The following ZNF839 variants were observed in gnomAD, a reference collection of about 807,000 sequenced individuals.
ZNF839 encodes renal carcinoma antigen NY-REN-50.
ZNF839 carries 38 observed loss-of-function variants against 56.4 expected under a neutral mutation model. The ratio of observed to expected loss-of-function variants is 0.67; its 90% CI spans 0.52 to 0.88. The LOEUF (loss-of-function observed/expected upper bound fraction) is 0.88, where lower values mean the gene tolerates loss of function less well. Ranked by LOEUF, ZNF839 falls within the 40% of genes least tolerant of loss-of-function variation. The pLI is 0.00. For synonymous variants in ZNF839, 486 were observed against 493.5 expected (o/e 0.98, Z 0.20); for missense variants, 1,091 against 1,177.6 (o/e 0.93, Z 1.08).
In ZNF839 at chr14:102,338,948, C is replaced by G. The variant is rs199952618; in HGVS notation, c.1792C>G (p.Arg598Gly). The G allele has an allele frequency of 1.2e-6, 2 of 1,613,826 alleles. No individual in the cohort carries two copies. The highest frequency in any genetic ancestry group is 2.7e-5 in the African/African-American group (2 of 74,916). Residue 598 changes from arginine to glycine, a missense_variant, in exon 6 of 8, where the codon CGT becomes GGT. Physicochemically the swap from Arg to Gly is moderately radical, Grantham distance 125. Around this residue, in one of 3 missense-constraint regions of ZNF839, gnomAD observed 431 missense variants for 468.0 expected, o/e 0.92. Transcript: ENST00000442396. ...LEGASSEKRE[R>G]EAAEEGLASV... Reference sequence around the variant, plus strand: ...GGGAGCTAGCAGCGAGAAGAGGGAACGTGAGGTGGGCATGGCTGAAGTGGG... The same window carrying G: ...GGGAGCTAGCAGCGAGAAGAGGGAAGGTGAGGTGGGCATGGCTGAAGTGGG...
At chr14:102,319,111 A>G (rs544886780), upstream of ZNF839, among the ~76,000 whole-genome samples, 21 of 152,330 alleles carry the variant, frequency 1.4e-4, no homozygotes, top group African/African-American at 5.1e-4. This position sits in a 1 kb window ranked among gnomAD's most constrained non-coding sequence, Gnocchi z 4.5. Flanking sequence ...GGGTGGGTTC[A>G]TTCATTCGTT....
At chr14:102,336,807 C>T (rs1885783455) in intron 5 of ZNF839, 1 of 276,042 alleles carries the variant, frequency 3.6e-6, no homozygotes, top group African/African-American at 2.3e-5. Flanking sequence ...AATCACAGCT[C>T]ACCGCAGCCT....
rs181280442 is a variant in ZNF839 at position 102,327,723 on chromosome 14, G to C, written c.1191+836G>C. 1.5e-3 allele frequency among the ~76,000 whole-genome samples: 222 copies of C among 152,318 alleles called. 1 individual carries two copies. Among genetic ancestry groups the C allele is most frequent in the African/African-American group, 5.2e-3 (218 of 41,578 alleles). ...CTGTAGCGGGACCAGAATCACTCTA[G>C]TGGAGGATCTGAGACCCCCACGTTG... On this transcript the variant is annotated intron_variant, in intron 2 of 7. Coordinates refer to ENST00000442396, the MANE Select transcript of ZNF839 (RefSeq NM_018335.6).
chr14:102,335,447 A>G (rs1391872968), intron 4 of ZNF839: 2 of 461,138 alleles, frequency 4.3e-6, no homozygotes, highest in Non-Finnish European at 7.7e-6. Flanking sequence ...GAGCTCACCC[A>G]TGCCCTACAT....
chr14:102,328,375 A>T (rs2776570), intron 2 of ZNF839, among the ~76,000 whole-genome samples: 271 of 15,978 alleles, frequency 0.017, 1 homozygote, highest in Non-Finnish European at 0.026. Flanking sequence ...AAAAAAAAAA[A>T]ATATATATAT....
rs376814874 is a variant in ZNF839 at position 102,334,930 on chromosome 14, A to T, written c.1509+284A>T. 107 of 159,818 alleles carry T rather than the reference A, an allele frequency of 6.7e-4. 1 individual carries two copies. Among genetic ancestry groups the T allele is most frequent in the South Asian group, 6.3e-3 (34 of 5,382 alleles). The allele number at this position is 159,818 out of a possible 1,614,324, so 9.9% of individuals were successfully genotyped here. A position where few individuals can be genotyped will look rare whatever the true frequency, so the allele number is the denominator to read the frequency against. The stretch of plus-strand genomic sequence containing the variant: ...GCTAATTTTTAATTTATTTAAAAAA[A>T]TTTTTTTTGTAGAGATGGGATCTAG... On this transcript the variant is annotated intron_variant, in intron 4 of 7. Transcript: ENST00000442396.
chr14:102,320,147 G>A, intron 1 of ZNF839, 94 bp downstream of exon 1: 1 of 1,047,180 alleles, frequency 9.5e-7, no homozygotes, highest in Non-Finnish European at 1.1e-6. Flanking sequence ...GCCAGTATCC[G>A]CCCGGGTTAA....
At position 102,326,284 on chromosome 14, in the gene ZNF839, C is replaced by T. The variant is rs769990920; in HGVS notation, c.588C>T (p.Pro196=). 1 of 1,613,568 alleles carries T rather than the reference C, an allele frequency of 6.2e-7. No homozygotes were observed. Among genetic ancestry groups the T allele is most frequent in the Non-Finnish European group, 8.5e-7 (1 of 1,179,732 alleles). The change falls in exon 2 of 8, where the codon CCC becomes CCT. Residue 196 remains proline, a synonymous_variant. Transcript: ENST00000442396. The surrounding 1 kb of genome is among the most constrained non-coding windows in gnomAD (Gnocchi z 4.3). The stretch of plus-strand genomic sequence containing the variant: ...TCCCTGCAAAGAGAGTCCCAGCCCC[C>T]AAGGCTCCAGATGAACAGGGCTCCA... ...QVVPAKRVPA[P]KAPDEQGSML... is the part of the protein sequence containing the mutation.
intron 2 of ZNF839, among the ~76,000 whole-genome samples, chr14:102,328,376 ATATATAT>A (rs1388809378): frequency 0.029 from 485 of 16,950 alleles, 4 homozygotes; most frequent in Middle Eastern, 0.083. Flanking sequence ...AAAAAAAAAA[ATATATAT>A]ATATATATAT....
At chr14:102,329,126 C>T (rs948324861) in intron 2 of ZNF839, among the ~76,000 whole-genome samples, 6 of 151,708 alleles carry the variant, frequency 4.0e-5, no homozygotes, top group South Asian at 4.2e-4. Flanking sequence ...CGAGCCACCA[C>T]GCCCAGCTAA....
intron 1 of ZNF839, 37 bp from the exon 2 acceptor site, chr14:102,325,948 A>G (rs750728291): frequency 6.3e-6 from 10 of 1,591,714 alleles, no homozygotes; most frequent in Admixed American, 3.5e-5. Context: ...CATAAGCACA[A>G]TGCTTCTTTT....
chr14:102,329,719 GTGTGTGTA>G (rs1239107606), intron 2 of ZNF839, among the ~76,000 whole-genome samples: 1 of 148,100 alleles, frequency 6.8e-6, no homozygotes, highest in Non-Finnish European at 1.5e-5. Flanking sequence ...GTGTGTGTGT[GTGTGTGTA>G]TGTGTGTGTG....
upstream of ZNF839, chr14:102,319,523 G>A (rs1442000304): frequency 2.6e-6 from 1 of 391,982 alleles, no homozygotes; most frequent in Admixed American, 4.8e-5. The surrounding 1 kb of genome is among the most constrained non-coding windows in gnomAD (Gnocchi z 4.5). Flanking sequence ...GAGAAGGTGA[G>A]TCTTAAACAC....
At chr14:102,333,083 G>C (rs1187906028) in intron 3 of ZNF839, among the ~76,000 whole-genome samples, 1 of 152,110 alleles carries the variant, frequency 6.6e-6, no homozygotes, top group Admixed American at 6.6e-5. Context: ...TTGAAAGTCA[G>C]CTGGCCACTT....
Position 102,329,825 on chromosome 14 carries a change from G to T in ZNF839, c.1192-1797G>T, listed in dbSNP as rs968381926. Among the ~76,000 whole-genome samples, 474 of 76,918 alleles carry T rather than the reference G, an allele frequency of 6.2e-3. 3 individuals carry two copies. The highest frequency in any genetic ancestry group is 0.021 in the African/African-American group (426 of 20,402). The allele number at this position is 76,918 out of a possible 152,430, so 50.5% of individuals were successfully genotyped here. Reference sequence around the variant, plus strand: ...TTTTTTTTTTTTGAGACGAAGTTTTGCTCTGTCACCCAGGCTGGAGTGTAA... The same window carrying T: ...TTTTTTTTTTTTGAGACGAAGTTTTTCTCTGTCACCCAGGCTGGAGTGTAA... On this transcript the variant is annotated intron_variant, in intron 2 of 7. Coordinates refer to ENST00000442396, the MANE Select transcript of ZNF839 (RefSeq NM_018335.6).
In ZNF839 at chr14:102,319,763, G is replaced by C; in HGVS notation, c.-3G>C. ...CCGGGTTCGAGTCCCCGCCTCGGCCGCCATGGCGGATGCGGAGCCGGAGGC... is the reference window on the plus strand; with the variant it reads ...CCGGGTTCGAGTCCCCGCCTCGGCCCCCATGGCGGATGCGGAGCCGGAGGC... On this transcript the variant is annotated 5_prime_UTR_variant, in exon 1 of 8. Transcript: ENST00000442396. The surrounding 1 kb of genome is among the most constrained non-coding windows in gnomAD (Gnocchi z 4.5). 1.6e-6 allele frequency: 2 copies of C among 1,229,748 alleles called. No individual in the cohort carries two copies. The highest frequency in any genetic ancestry group is 2.0e-6 in the Non-Finnish European group (2 of 986,334). 76.2% of individuals were successfully genotyped at this position (1,229,748 alleles called of 1,614,324 possible). A position where few individuals can be genotyped will look rare whatever the true frequency, so the allele number is the denominator to read the frequency against.
Position 102,326,247 on chromosome 14 carries a change from C to T in ZNF839, c.551C>T (p.Ala184Val). The change falls in exon 2 of 8, where the codon GCC (alanine) becomes GTC (valine). Residue 184 changes from alanine to valine, a missense_variant. Around this residue, in one of 3 missense-constraint regions of ZNF839, gnomAD observed 614 missense variants for 629.2 expected, o/e 0.98. Transcript: ENST00000442396. This position sits in a 1 kb window ranked among gnomAD's most constrained non-coding sequence, Gnocchi z 4.3. ...GGGTTTGTACAGAGACCACTGCCAG[C>T]CCTCCAGGTGGTCCCTGCAAAGAGA... Reference protein sequence around the residue: ...AQGFVQRPLPALQVVPAKRVP... With the variant: ...AQGFVQRPLPVLQVVPAKRVP... 1 of 1,613,896 alleles carries T rather than the reference C, an allele frequency of 6.2e-7. No individual in the cohort carries two copies. Among genetic ancestry groups the T allele is most frequent in the Admixed American group, 1.7e-5 (1 of 59,984 alleles).
In ZNF839 at chr14:102,326,727, A is replaced by G; in HGVS notation, c.1031A>G (p.Glu344Gly). Residue 344 changes from glutamate (E) to glycine (G), a missense_variant, in exon 2 of 8, where the codon GAG becomes GGG. Physicochemically the swap from Glu to Gly is moderately conservative, Grantham distance 98. Around this residue, in one of 3 missense-constraint regions of ZNF839, gnomAD observed 614 missense variants for 629.2 expected, o/e 0.98. Transcript: ENST00000442396. The surrounding 1 kb of genome is among the most constrained non-coding windows in gnomAD (Gnocchi z 4.3). The stretch of plus-strand genomic sequence containing the variant: ...CCAGGCCACGGCCAGTTGGACCCCG[A>G]GATGGTGCTGTCTGAGAAAGCCAGT... The part of the protein sequence containing the change: ...LNPGHGQLDP[E>G]MVLSEKASGS... 1 of 1,613,276 alleles carries G rather than the reference A, an allele frequency of 6.2e-7. No homozygotes were observed. The highest frequency in any genetic ancestry group is 1.3e-5 in the African/African-American group (1 of 75,018).
At chr14:102,339,995 G>A (rs1886325411) in intron 7 of ZNF839, among the ~76,000 whole-genome samples, 1 of 151,488 alleles carries the variant, frequency 6.6e-6, no homozygotes, top group African/African-American at 2.4e-5. Context: ...TTTTTGAGAC[G>A]GGAGTCGCAC....
Sources: allele counts gnomAD v4.1 joint callset (sites outside exome capture counted in the v4.1 genomes callset), GRCh38; gene constraint gnomAD v4.1.1; regional missense constraint gnomAD v4.1.1; non-coding constraint Gnocchi (gnomAD v3.1); transcripts MANE v1.5; gene names NCBI Gene and HGNC (gene_info 2026-07-23, HGNC 2026-07-21).